The following DCC variants were observed in gnomAD, a reference collection of about 807,000 sequenced individuals.
The protein encoded by DCC is DCC netrin 1 receptor.
Under a neutral mutation model 172.5 loss-of-function variants are expected in DCC, and 58 were observed. The ratio of observed to expected loss-of-function variants is 0.34; its 90% CI spans 0.27 to 0.42. The LOEUF (loss-of-function observed/expected upper bound fraction) is 0.42. Among genes scored for constraint, DCC ranks in the 10% least tolerant of loss-of-function variants. The probability of loss-of-function intolerance (pLI) is 1.00; values close to 1 mark genes in which losing one functional copy is unlikely to be tolerated. For synonymous variants in DCC, 709 were observed against 644.5 expected, an observed-to-expected ratio of 1.10 and a Z score of -1.52; for missense variants, 1,740 against 1,791.0, an observed-to-expected ratio of 0.97 and a Z score of 0.51.
chr18:53,068,285 T>A (rs541878323), intron 7 of DCC, among the ~76,000 whole-genome samples: 2 of 152,150 alleles, frequency 1.3e-5, no homozygotes, highest in Non-Finnish European at 2.9e-5. Context: ...TATTATACTT[T>A]AAGTTTTAGG....
At chr18:53,428,520 T>C (rs1459006677) in intron 21 of DCC, among the ~76,000 whole-genome samples, 1 of 55,328 alleles carries the variant, frequency 1.8e-5, no homozygotes, top group African/African-American at 5.6e-5. Context: ...TTATATATTT[T>C]ATATATTTAT....
intron 8 of DCC, among the ~76,000 whole-genome samples, chr18:53,169,178 T>C (rs2054972637): frequency 6.6e-6 from 1 of 152,110 alleles, no homozygotes; most frequent in Non-Finnish European, 1.5e-5. Flanking sequence ...TGCTTAAGAG[T>C]TACAGGGACT....
chr18:52,595,516 T>C (rs2033890831), intron 1 of DCC, among the ~76,000 whole-genome samples: 1 of 152,202 alleles, frequency 6.6e-6, no homozygotes, highest in Non-Finnish European at 1.5e-5. Flanking sequence ...TTATGCCTAC[T>C]GCTCTAAGAA....
At chr18:52,553,471 G>C (rs1300482803) in intron 1 of DCC, among the ~76,000 whole-genome samples, 1 of 152,040 alleles carries the variant, frequency 6.6e-6, no homozygotes, top group East Asian at 1.9e-4. Flanking sequence ...AAGTCAGCTT[G>C]ACCAGGCGAC....
chr18:53,296,074 C>A (rs543049795), intron 12 of DCC, among the ~76,000 whole-genome samples: 1 of 152,152 alleles, frequency 6.6e-6, no homozygotes, highest in Non-Finnish European at 1.5e-5. Flanking sequence ...TAGACAATTT[C>A]TCTCTCTCAG....
At chr18:53,399,546 A>G (rs1384517742) in intron 18 of DCC, among the ~76,000 whole-genome samples, 1 of 152,152 alleles carries the variant, frequency 6.6e-6, no homozygotes, top group African/African-American at 2.4e-5. Flanking sequence ...TCTGAAACTT[A>G]AATGTTACCT....
intron 5 of DCC, among the ~76,000 whole-genome samples, chr18:52,939,276 A>G (rs1353599229): frequency 6.6e-6 from 1 of 152,164 alleles, no homozygotes; most frequent in Non-Finnish European, 1.5e-5. Context: ...CTTCGACTGG[A>G]TCATAGCCCA....
intron 14 of DCC, among the ~76,000 whole-genome samples, chr18:53,333,819 A>C (rs1160944618): frequency 1.3e-5 from 2 of 152,226 alleles, no homozygotes; most frequent in Non-Finnish European, 2.9e-5. Flanking sequence ...AATACCACAT[A>C]TATGCTGATG....
Position 53,493,395 on chromosome 18 carries a change from G to T in DCC, c.3899-5903G>T, listed in dbSNP as rs565258468. Among the ~76,000 whole-genome samples, 6 of 152,274 alleles carry T rather than the reference G, an allele frequency of 3.9e-5. No homozygotes were observed. The South Asian group carries it at 1.2e-3, about 32-fold the overall frequency. The stretch of plus-strand genomic sequence containing the variant: ...GAGTAGTGAGAGAGAGGGCATCCTT[G>T]TCTTGTGCCAGTTTTCAAAGGGAAT... On this transcript the variant is annotated intron_variant, in intron 26 of 28. Transcript: ENST00000442544.
intron 5 of DCC, among the ~76,000 whole-genome samples, chr18:52,926,852 CGTGT>C (rs552898076): frequency 7.0e-6 from 1 of 142,948 alleles, no homozygotes; most frequent in Non-Finnish European, 1.5e-5. Flanking sequence ...CACACATATA[CGTGT>C]GTGTGTATAT....
At chr18:53,246,664 T>A (rs1205447423) in intron 12 of DCC, among the ~76,000 whole-genome samples, 1 of 152,130 alleles carries the variant, frequency 6.6e-6, no homozygotes, top group Non-Finnish European at 1.5e-5. Context: ...TCAGAATGTA[T>A]TTCAAGGCCA....
chr18:52,656,617 G>A (rs748707312), intron 1 of DCC, among the ~76,000 whole-genome samples: 16 of 152,112 alleles, frequency 1.1e-4, no homozygotes, highest in Non-Finnish European at 2.2e-4. Flanking sequence ...CCCATGCTAC[G>A]CTCTAACTTG....
intron 1 of DCC, among the ~76,000 whole-genome samples, chr18:52,519,333 A>T (rs1409773133): frequency 6.6e-6 from 1 of 152,234 alleles, no homozygotes; most frequent in African/African-American, 2.4e-5. Flanking sequence ...TGCAGTTAAG[A>T]TCTGCAGTGC....
intron 24 of DCC, among the ~76,000 whole-genome samples, chr18:53,461,180 A>G (rs530805142): frequency 2.0e-5 from 3 of 152,264 alleles, no homozygotes; most frequent in African/African-American, 4.8e-5. Context: ...TCTGGATATT[A>G]GCCCTTTGTC....
chr18:52,905,731 T>A (rs558563332), intron 2 of DCC, among the ~76,000 whole-genome samples: 2 of 152,326 alleles, frequency 1.3e-5, no homozygotes, highest in African/African-American at 4.8e-5. Context: ...ATTTCACTTC[T>A]CTGAACCTCA....
chr18:52,586,871 TG>T (rs1344038563), intron 1 of DCC, among the ~76,000 whole-genome samples: 1 of 152,132 alleles, frequency 6.6e-6, no homozygotes, highest in Non-Finnish European at 1.5e-5. Context: ...TCCTTCAGGA[TG>T]ATGGGAAACA....
intron 1 of DCC, among the ~76,000 whole-genome samples, chr18:52,350,012 C>T (rs1984047739): frequency 6.6e-6 from 1 of 152,170 alleles, no homozygotes; most frequent in South Asian, 2.1e-4. Context: ...AACATATGGT[C>T]TCTCAAAACT....
intron 15 of DCC, among the ~76,000 whole-genome samples, chr18:53,343,415 GA>G (rs1484707249): frequency 6.6e-6 from 1 of 151,760 alleles, no homozygotes; most frequent in Non-Finnish European, 1.5e-5. Flanking sequence ...CTTTTGAAAT[GA>G]ACTTTTTTTT....
intron 2 of DCC, among the ~76,000 whole-genome samples, chr18:52,873,324 C>T (rs1243090566): frequency 6.6e-6 from 1 of 152,154 alleles, no homozygotes; most frequent in Non-Finnish European, 1.5e-5. Flanking sequence ...CTTATGGAAC[C>T]TCAGCCATAG....
Sources: gnomAD v4.1 joint callset for allele counts (sites outside exome capture counted in the v4.1 genomes callset) on GRCh38, gnomAD v4.1.1 for gene constraint, MANE v1.5 for transcripts, NCBI Gene and HGNC (gene_info 2026-07-23, HGNC 2026-07-21) for gene names.